The following PTGES2 variants were observed in gnomAD, a reference collection of about 807,000 sequenced individuals.
The protein encoded by PTGES2 is prostaglandin E synthase 2.
A neutral mutation model predicts 44.5 loss-of-function variants in PTGES2; 35 were observed. The observed-to-expected ratio is 0.79, with a 90% CI of 0.60 to 1.04. PTGES2 has a LOEUF of 1.04. Among genes scored for constraint, PTGES2 ranks in the 50% least tolerant of loss-of-function variants. PTGES2 has a pLI of 0.00. For missense variants in PTGES2, 517 were observed against 521.4 expected, an observed-to-expected ratio of 0.99 and a Z score of 0.08; for synonymous variants, 221 against 227.5, an observed-to-expected ratio of 0.97 and a Z score of 0.26.
At chr9:128,124,164 C>A (rs2130851944) in intron 3 of PTGES2, among the ~76,000 whole-genome samples, 1 of 151,956 alleles carries the variant, frequency 6.6e-6, no homozygotes, top group South Asian at 2.1e-4. Flanking sequence ...CTCACCGCAA[C>A]CCTCTGCCTC....
chr9:128,121,310 T>C (rs1159754724), intron 6 of PTGES2, 37 bp from the exon 7 acceptor site: 39 of 1,588,716 alleles, frequency 2.5e-5, no homozygotes, highest in East Asian at 4.5e-5. Context: ...CATAGCTGGT[T>C]TGACAGGCAT....
chr9:128,124,444 G>C (rs374994115), intron 3 of PTGES2, 48 bp downstream of exon 3: 1 of 1,580,628 alleles, frequency 6.3e-7, no homozygotes. Context: ...CCTCCCTGGA[G>C]GAAGCCACCA....
chr9:128,127,395 C>A (rs753957773), intron 1 of PTGES2, 44 bp downstream of exon 1: 4 of 1,323,656 alleles, frequency 3.0e-6, no homozygotes, highest in Non-Finnish European at 3.9e-6. Context: ...GTCCCGAGTT[C>A]GGCGCTGATC....
Position 128,123,907 on chromosome 9 carries a change from C to T in PTGES2, c.537-56G>A, listed in dbSNP as rs933224473. The T allele has an allele frequency of 2.3e-5, 36 of 1,579,522 alleles. No homozygotes were observed. Among genetic ancestry groups the T allele is most frequent in the Non-Finnish European group, 2.8e-5 (32 of 1,155,278 alleles). On this transcript the variant is annotated intron_variant, in intron 3 of 6. Coordinates refer to ENST00000338961, the MANE Select transcript of PTGES2 (RefSeq NM_025072.7). The surrounding 1 kb of genome is among the most constrained non-coding windows in gnomAD (Gnocchi z 4.4). ...TCCTTCCCCCTCCGTCCCCTGTGGC[C>T]GACCAACCCCGCTGCCCCAGCCTCA...
At chr9:128,125,131 C>A (rs1466286765) in intron 2 of PTGES2, 113 bp downstream of exon 2, 1 of 1,004,360 alleles carries the variant, frequency 1.0e-6, no homozygotes, top group Non-Finnish European at 1.5e-6. Context: ...ATAGTCCTTA[C>A]AGGCACAAGG....
chr9:128,127,457 T>C lies in PTGES2; in HGVS notation c.261A>G (p.Ala87=), dbSNP rs1834672131. The change falls in exon 1 of 7, where the codon GCA becomes GCG. Residue 87 remains alanine (A), a synonymous_variant. Coordinates refer to ENST00000338961, the MANE Select transcript of PTGES2 (RefSeq NM_025072.7). ...GCCTTACCTGCGCGGCTGAGCGCTCTGCGTGGAGGTCCTGGGCGCGCAGGT... is the reference window on the plus strand; with the variant it reads ...GCCTTACCTGCGCGGCTGAGCGCTCCGCGTGGAGGTCCTGGGCGCGCAGGT... ...RWHLRAQDLH[A]ERSAAQLSLS... is the part of the protein sequence containing the mutation. 7.2e-7 allele frequency: 1 copy of C among 1,390,554 alleles called. No individual in the cohort carries two copies. Among genetic ancestry groups the C allele is most frequent in the South Asian group, 1.7e-5 (1 of 59,256 alleles). 86.1% of individuals were successfully genotyped at this position (1,390,554 alleles called of 1,614,324 possible). A position where few individuals can be genotyped will look rare whatever the true frequency, so the allele number is the denominator to read the frequency against.
In PTGES2 at chr9:128,123,144, CG is replaced by C; in HGVS notation, c.687-11del. The C allele has an allele frequency of 6.2e-7, 1 of 1,606,530 alleles. No individual in the cohort carries two copies. The highest frequency in any genetic ancestry group is 8.5e-7 in the Non-Finnish European group (1 of 1,179,608). On this transcript the variant is annotated splice_polypyrimidine_tract_variant and intron_variant, in intron 4 of 6. Coordinates refer to ENST00000338961, the MANE Select transcript of PTGES2 (RefSeq NM_025072.7). The surrounding 1 kb of genome is among the most constrained non-coding windows in gnomAD (Gnocchi z 4.4). Reference sequence around the variant, plus strand: ...CCACTTCATCTCCTCCCTGCGGGCACGGGAGGGACTTCCTAAGCCAGGACCC... The same window carrying C: ...CCACTTCATCTCCTCCCTGCGGGCACGGAGGGACTTCCTAAGCCAGGACCC...
Position 128,127,640 on chromosome 9 carries a change from G to T in PTGES2, c.78C>A (p.Pro26=). Residue 26 remains proline (P), a synonymous_variant, in exon 1 of 7, where the codon CCC becomes CCA. Transcript: ENST00000338961. ...GGCTCTGCGTGGGTAGCAGCGGCTG[G>T]GGGCGGCCTCCCAGCCTCCAGGCCA... is the stretch of plus-strand genomic sequence containing the variant. The part of the protein sequence containing the change: ...CALAWRLGGR[P]QPLLPTQSRA... The T allele has an allele frequency of 7.9e-7, 1 of 1,270,394 alleles. No homozygotes were observed. Among genetic ancestry groups the T allele is most frequent in the Non-Finnish European group, 9.9e-7 (1 of 1,009,386 alleles). 78.7% of individuals were successfully genotyped at this position (1,270,394 alleles called of 1,614,324 possible).
chr9:128,126,916 C>G (rs989287073), intron 1 of PTGES2, among the ~76,000 whole-genome samples: 10 of 150,200 alleles, frequency 6.7e-5, no homozygotes, highest in Non-Finnish European at 7.4e-5. Flanking sequence ...CAGTGGCTCA[C>G]GCCTGTGATC....
intron 3 of PTGES2, 95 bp downstream of exon 3, chr9:128,124,397 C>G (rs1588071473): frequency 9.1e-7 from 1 of 1,099,732 alleles, no homozygotes; most frequent in East Asian, 2.4e-5. Flanking sequence ...ATCTAAGCAG[C>G]AGCTCCACGT....
chr9:128,122,419 A>G lies in PTGES2; in HGVS notation c.948T>C (p.Ala316=). 2.5e-6 allele frequency: 4 copies of G among 1,614,196 alleles called. No homozygotes were observed. Among genetic ancestry groups the G allele is most frequent in the Non-Finnish European group, 3.4e-6 (4 of 1,180,032 alleles). The change falls in exon 6 of 7, where the codon GCT becomes GCC. Residue 316 remains alanine, a synonymous_variant. Transcript: ENST00000338961. ...TGAAGGGCCGGTCCTTGCCCACAGC[A>G]GCCACCCACTTGTCAGCAGCCTCAT... ...DLYEAADKWV[A]AVGKDRPFMG... is the part of the protein sequence containing the mutation.
Position 128,122,513 on chromosome 9 carries a change from C to T in PTGES2, c.888-34G>A, listed in dbSNP as rs770171555. On this transcript the variant is annotated intron_variant, in intron 5 of 6. Coordinates refer to ENST00000338961, the MANE Select transcript of PTGES2 (RefSeq NM_025072.7). ...GGAAGGGAAAAGCCCCTCAGGGGAG[C>T]CCCCACTCCCAGCCCAGCAGGGAAG... The T allele has an allele frequency of 4.5e-6, 7 of 1,569,144 alleles. No homozygotes were observed. In the South Asian group the frequency reaches 7.8e-5, roughly 17 times the overall value.
In PTGES2 at chr9:128,122,640, G is replaced by A. The variant is rs1260362947; in HGVS notation, c.888-161C>T. ...GCCTCAGGGAGCATCCGTCCCAGACGGGGAGGCTGTGGTAAAGGCAAGAGA... is the reference window on the plus strand; with the variant it reads ...GCCTCAGGGAGCATCCGTCCCAGACAGGGAGGCTGTGGTAAAGGCAAGAGA... On this transcript the variant is annotated intron_variant, in intron 5 of 6. Transcript: ENST00000338961. 21 of 658,912 alleles carry A rather than the reference G, an allele frequency of 3.2e-5. No individual in the cohort carries two copies. In the East Asian group the frequency reaches 4.3e-4, roughly 14 times the overall value. The allele number at this position is 658,912 out of a possible 1,614,324, so 40.8% of individuals were successfully genotyped here.
upstream of PTGES2, chr9:128,127,771 G>C (rs1472719644): frequency 8.1e-7 from 1 of 1,238,108 alleles, no homozygotes; most frequent in Non-Finnish European, 1.0e-6. Flanking sequence ...GCCGAGGCAC[G>C]CGCGGCGTTT....
chr9:128,121,361 C>T, intron 6 of PTGES2, 88 bp from the exon 7 acceptor site: 1 of 1,486,792 alleles, frequency 6.7e-7, no homozygotes, highest in East Asian at 2.4e-5. Context: ...TGGCCAGGTC[C>T]CGTCCCCTCC....
intron 5 of PTGES2, 86 bp from the exon 6 acceptor site, chr9:128,122,565 G>T: frequency 3.4e-6 from 4 of 1,192,036 alleles, no homozygotes; most frequent in South Asian, 1.3e-5. Context: ...AGAGGGGGGA[G>T]GTGTGGAAGC....
chr9:128,121,136 C>A lies in PTGES2; in HGVS notation c.*9G>T. On this transcript the variant is annotated 3_prime_UTR_variant, in exon 7 of 7. Coordinates refer to ENST00000338961, the MANE Select transcript of PTGES2 (RefSeq NM_025072.7). ...TCCGCTGCCTTCCCTCTGCTCTGCG[C>A]GGGGACATTCAGTGCGCTGGGGAGG... is the stretch of plus-strand genomic sequence containing the variant. 1 of 1,578,906 alleles carries A rather than the reference C, an allele frequency of 6.3e-7. No homozygotes were observed. Among genetic ancestry groups the A allele is most frequent in the Non-Finnish European group, 8.6e-7 (1 of 1,162,804 alleles).
chr9:128,122,845 TG>T lies in PTGES2; in HGVS notation c.887+88del, dbSNP rs1834467906. ...CCTGCCCTAGGCCTCGGCCTCCCGC[TG>T]GTCTCCTGAGGGGTGTGATGGGATC... On this transcript the variant is annotated intron_variant, in intron 5 of 6. Transcript: ENST00000338961. 2.8e-6 allele frequency: 4 copies of T among 1,404,966 alleles called. No individual in the cohort carries two copies. The Admixed American group carries it at 6.9e-5, about 24-fold the overall frequency. 87.0% of individuals were successfully genotyped at this position (1,404,966 alleles called of 1,614,324 possible).
In PTGES2 at chr9:128,123,637, T is replaced by C; in HGVS notation, c.686+65A>G. 1.3e-6 allele frequency: 2 copies of C among 1,526,262 alleles called. No individual in the cohort carries two copies. Among genetic ancestry groups the C allele is most frequent in the Non-Finnish European group, 1.8e-6 (2 of 1,116,432 alleles). 94.5% of individuals were successfully genotyped at this position (1,526,262 alleles called of 1,614,324 possible). A position where few individuals can be genotyped will look rare whatever the true frequency, so the allele number is the denominator to read the frequency against. On this transcript the variant is annotated intron_variant, in intron 4 of 6. Coordinates refer to ENST00000338961, the MANE Select transcript of PTGES2 (RefSeq NM_025072.7). This position sits in a 1 kb window ranked among gnomAD's most constrained non-coding sequence, Gnocchi z 4.4. ...CCTGCTCACGCCATCTTGCTCAGCT[T>C]GGTCCTACTCTACAGAAGACCCCTG...
Sources: allele counts gnomAD v4.1 joint callset (sites outside exome capture counted in the v4.1 genomes callset), GRCh38; gene constraint gnomAD v4.1.1; non-coding constraint Gnocchi (gnomAD v3.1); transcripts MANE v1.5; gene names NCBI Gene and HGNC (gene_info 2026-07-23, HGNC 2026-07-21).